BMPER: variants seen among roughly 807,000 people sequenced by gnomAD.
The protein encoded by BMPER is BMP binding endothelial regulator.
In BMPER, 45 loss-of-function variants were observed where a neutral mutation model predicts 87.3. That is an observed-to-expected ratio of 0.52 (90% CI 0.41 to 0.66). The LOEUF (loss-of-function observed/expected upper bound fraction) is 0.66, where lower values mean the gene tolerates loss of function less well. Ranked by LOEUF, BMPER falls within the 30% of genes least tolerant of loss-of-function variation. The probability of loss-of-function intolerance (pLI) is 0.00; values close to 1 mark genes in which losing one functional copy is unlikely to be tolerated. For missense variants in BMPER, 784 were observed against 867.5 expected (o/e 0.90, Z 1.21); for synonymous variants, 326 against 316.2 (o/e 1.03, Z -0.33).
At chr7:33,987,994 G>C (rs116803564) in intron 6 of BMPER, among the ~76,000 whole-genome samples, 1 of 152,104 alleles carries the variant, frequency 6.6e-6, no homozygotes, top group Non-Finnish European at 1.5e-5. Flanking sequence ...TTATGAAGGA[G>C]TATCTTTTGG....
intron 6 of BMPER, among the ~76,000 whole-genome samples, chr7:34,013,989 A>G (rs540577733): frequency 6.6e-6 from 1 of 152,030 alleles, no homozygotes; most frequent in Admixed American, 6.6e-5. Flanking sequence ...CTTAATAAAT[A>G]TAGTTTTGTG....
intron 3 of BMPER, among the ~76,000 whole-genome samples, chr7:33,955,905 T>TA (rs1379811290): frequency 6.6e-6 from 1 of 152,104 alleles, no homozygotes; most frequent in Non-Finnish European, 1.5e-5. Flanking sequence ...GAACCTGGAC[T>TA]AAGACAGAAA....
chr7:34,103,700 C>T (rs76693274), intron 13 of BMPER, among the ~76,000 whole-genome samples: 5,274 of 152,110 alleles, frequency 0.035, 256 homozygotes, highest in African/African-American at 0.11. Flanking sequence ...AAGAGAAAGA[C>T]GTGAAAAAGT....
At chr7:34,073,620 T>C (rs1788790392) in intron 11 of BMPER, among the ~76,000 whole-genome samples, 1 of 152,238 alleles carries the variant, frequency 6.6e-6, no homozygotes, top group South Asian at 2.1e-4. Context: ...GTTTAAGGTC[T>C]GGCTTAGAAG....
chr7:33,998,693 G>C (rs1196096522), intron 6 of BMPER, among the ~76,000 whole-genome samples: 1 of 152,184 alleles, frequency 6.6e-6, no homozygotes, highest in Non-Finnish European at 1.5e-5. Flanking sequence ...CTGGGCTGTT[G>C]TTGTTGGCTG....
intron 3 of BMPER, among the ~76,000 whole-genome samples, chr7:33,947,510 G>A (rs1013609441): frequency 6.6e-6 from 1 of 152,092 alleles, no homozygotes; most frequent in African/African-American, 2.4e-5. Flanking sequence ...GATCCCATGG[G>A]TTGCATTTTT....
Position 33,937,394 on chromosome 7 carries a change from T to G in BMPER, c.319+6T>G, listed in dbSNP as rs938579334. On this transcript the variant is annotated splice_donor_region_variant and intron_variant, in intron 3 of 14. Transcript: ENST00000649409. ...CTGTTGTGAACAGTGCAAAGGTGAT[T>G]GATGTCTTGGCCGTCTTCTCTTCTG... 3.1e-6 allele frequency: 5 copies of G among 1,613,332 alleles called. No individual in the cohort carries two copies. In the South Asian group the frequency reaches 4.4e-5, roughly 14 times the overall value.
intron 11 of BMPER, among the ~76,000 whole-genome samples, chr7:34,073,590 A>T (rs1788789987): frequency 6.6e-6 from 1 of 152,264 alleles, no homozygotes. Context: ...ACTGAGGGGT[A>T]CACATAAAAC....
chr7:34,035,588 G>T (rs1031332778), intron 6 of BMPER, among the ~76,000 whole-genome samples: 1 of 152,156 alleles, frequency 6.6e-6, no homozygotes, highest in African/African-American at 2.4e-5. Flanking sequence ...CAAGATAACA[G>T]ATATTTTTTG....
At chr7:33,909,680 CAAAA>C (rs60327948) in intron 2 of BMPER, among the ~76,000 whole-genome samples, 1 of 53,526 alleles carries the variant, frequency 1.9e-5, no homozygotes, top group African/African-American at 6.8e-5. Context: ...ATAACATGTA[CAAAA>C]AAAAAAAAAA....
At chr7:34,141,970 C>T (rs965650099) in intron 13 of BMPER, among the ~76,000 whole-genome samples, 2 of 152,164 alleles carry the variant, frequency 1.3e-5, no homozygotes, top group Non-Finnish European at 2.9e-5. Flanking sequence ...AGGTCCCACA[C>T]CATGGGAAAA....
At chr7:34,051,261 T>C (rs1261132718) in intron 7 of BMPER, among the ~76,000 whole-genome samples, 1 of 152,202 alleles carries the variant, frequency 6.6e-6, no homozygotes, top group Admixed American at 6.5e-5. Flanking sequence ...ATTTACCATA[T>C]GAATTTTGTG....
chr7:34,094,224 C>T (rs1433036799), intron 13 of BMPER, among the ~76,000 whole-genome samples: 2 of 152,206 alleles, frequency 1.3e-5, no homozygotes, highest in Non-Finnish European at 2.9e-5. Context: ...TAGGTTCTGT[C>T]ATAGGGATGG....
chr7:34,106,675 C>A (rs1162067170), intron 13 of BMPER, among the ~76,000 whole-genome samples: 1 of 152,202 alleles, frequency 6.6e-6, no homozygotes, highest in African/African-American at 2.4e-5. Flanking sequence ...TTGGGCCTTT[C>A]ATCAGAAACC....
chr7:33,989,367 T>C (rs1027803729), intron 6 of BMPER, among the ~76,000 whole-genome samples: 11 of 151,924 alleles, frequency 7.2e-5, no homozygotes, highest in Non-Finnish European at 1.3e-4. Context: ...TGATGGCCAG[T>C]GATGATGAGC....
chr7:33,945,098 C>G (rs1378906137), intron 3 of BMPER, among the ~76,000 whole-genome samples: 1 of 151,972 alleles, frequency 6.6e-6, no homozygotes, highest in Admixed American at 6.6e-5. Context: ...CCTGCCAACA[C>G]GCCCGGCTAA....
At chr7:34,092,937 A>G (rs1428841921) in intron 13 of BMPER, among the ~76,000 whole-genome samples, 3 of 152,228 alleles carry the variant, frequency 2.0e-5, no homozygotes, top group Non-Finnish European at 2.9e-5. Context: ...CTTAACAGAT[A>G]GATTAATCTT....
intron 13 of BMPER, among the ~76,000 whole-genome samples, chr7:34,141,393 T>C (rs532690359): frequency 6.6e-6 from 1 of 152,166 alleles, no homozygotes; most frequent in East Asian, 1.9e-4. Flanking sequence ...GTGGATCATC[T>C]GAGGTCAGGA....
chr7:34,069,841 A>G (rs1788692011), intron 11 of BMPER, among the ~76,000 whole-genome samples: 1 of 152,160 alleles, frequency 6.6e-6, no homozygotes, highest in African/African-American at 2.4e-5. Context: ...GTATGGAGAG[A>G]TGACTCATTA....
Sources: gnomAD v4.1 joint callset for allele counts (sites outside exome capture counted in the v4.1 genomes callset) on GRCh38, gnomAD v4.1.1 for gene constraint, MANE v1.5 for transcripts, NCBI Gene and HGNC (gene_info 2026-07-23, HGNC 2026-07-21) for gene names.